Variants in CACNA2D3 observed in about 807,000 individuals in gnomAD.
CACNA2D3 encodes calcium voltage-gated channel auxiliary subunit alpha2delta 3.
In CACNA2D3, 60 loss-of-function variants were observed where a neutral mutation model predicts 160.6. That is an observed-to-expected ratio of 0.37 (90% CI 0.30 to 0.46). The LOEUF (loss-of-function observed/expected upper bound fraction) is 0.46. CACNA2D3 is among the 20% of genes least tolerant of loss of function. The pLI is 1.00. For synonymous variants in CACNA2D3, 558 were observed against 492.9 expected (o/e 1.13, Z -1.75); for missense variants, 1,205 against 1,365.0 (o/e 0.88, Z 1.85).
chr3:54,198,623 GT>G (rs1195097264), intron 2 of CACNA2D3, among the ~76,000 whole-genome samples: 2 of 152,234 alleles, frequency 1.3e-5, no homozygotes, highest in African/African-American at 2.4e-5. Context: ...ACTGAGCCTC[GT>G]GTGGAATTGT....
chr3:54,370,836 G>GAAAA (rs60211171), intron 3 of CACNA2D3, among the ~76,000 whole-genome samples: 1 of 85,744 alleles, frequency 1.2e-5, no homozygotes, highest in Non-Finnish European at 2.4e-5. Context: ...CCCGACTCCA[G>GAAAA]AAAAAAAAAA....
chr3:54,181,049 C>T (rs1275847896), intron 2 of CACNA2D3, among the ~76,000 whole-genome samples: 1 of 152,140 alleles, frequency 6.6e-6, no homozygotes, highest in African/African-American at 2.4e-5. Flanking sequence ...CAGGAGGCTT[C>T]CCTCTTCTCT....
Position 54,459,456 on chromosome 3 carries a change from T to C in CACNA2D3, c.382-44036T>C, listed in dbSNP as rs534104623. ...CTGTTGTTTCCTGACTTTTTAATGA[T>C]CGCCATTCTAACTGGTGTGAGATGG... On this transcript the variant is annotated intron_variant, in intron 4 of 37. Coordinates refer to ENST00000474759, the MANE Select transcript of CACNA2D3 (RefSeq NM_018398.3). Among the ~76,000 whole-genome samples the C allele has an allele frequency of 3.9e-3, 586 of 150,456 alleles. 2 individuals are homozygous for C. Among genetic ancestry groups the C allele is most frequent in the African/African-American group, 0.014 (556 of 40,956 alleles).
At chr3:54,982,338 A>C (rs1425839942) in intron 29 of CACNA2D3, among the ~76,000 whole-genome samples, 1 of 152,126 alleles carries the variant, frequency 6.6e-6, no homozygotes, top group African/African-American at 2.4e-5. Flanking sequence ...TTTGCCTTTC[A>C]TTAATAGGAG....
chr3:54,516,814 A>C (rs1482415854), intron 5 of CACNA2D3, among the ~76,000 whole-genome samples: 1 of 152,092 alleles, frequency 6.6e-6, no homozygotes, highest in Non-Finnish European at 1.5e-5. Context: ...CATGTTCTCT[A>C]CTCACTGCTA....
chr3:54,286,221 G>A (rs962231014), intron 2 of CACNA2D3, among the ~76,000 whole-genome samples: 1 of 152,210 alleles, frequency 6.6e-6, no homozygotes, highest in Admixed American at 6.5e-5. Context: ...AACCAATGCA[G>A]AGAAGTCCTT....
At chr3:54,127,526 C>G (rs923690662) in intron 2 of CACNA2D3, among the ~76,000 whole-genome samples, 2 of 152,106 alleles carry the variant, frequency 1.3e-5, no homozygotes, top group Admixed American at 6.5e-5. Context: ...CCTTGCTGCT[C>G]GTGGGAAGCC....
chr3:54,743,981 C>G (rs138441577), intron 11 of CACNA2D3, among the ~76,000 whole-genome samples: 1 of 152,334 alleles, frequency 6.6e-6, no homozygotes, highest in East Asian at 1.9e-4. Context: ...TTCTGTCTGT[C>G]TGTCCCTTCC....
chr3:54,975,535 A>C (rs1437797246), intron 29 of CACNA2D3, among the ~76,000 whole-genome samples: 2 of 151,142 alleles, frequency 1.3e-5, no homozygotes, highest in African/African-American at 2.4e-5. Context: ...AAAAAAAAAA[A>C]AAAAAAAAAA....
At chr3:54,414,052 A>T (rs1361225581) in intron 4 of CACNA2D3, among the ~76,000 whole-genome samples, 1 of 151,870 alleles carries the variant, frequency 6.6e-6, no homozygotes, top group African/African-American at 2.4e-5. Context: ...AATTAAATTT[A>T]TACTAAGAAA....
At chr3:54,887,902 T>A (rs1699963468) in intron 23 of CACNA2D3, 57 bp from the exon 24 acceptor site, 6 of 1,358,806 alleles carry the variant, frequency 4.4e-6, no homozygotes, top group Middle Eastern at 1.8e-4. Context: ...CATGAGTGCC[T>A]CTCATGCCCC....
chr3:54,260,461 G>A (rs1445107306), intron 2 of CACNA2D3, among the ~76,000 whole-genome samples: 3 of 152,178 alleles, frequency 2.0e-5, no homozygotes, highest in African/African-American at 7.2e-5. Flanking sequence ...CAGAGGGAGC[G>A]TGTCAGTTCA....
chr3:54,459,022 G>A (rs1368759353), intron 4 of CACNA2D3, among the ~76,000 whole-genome samples: 1 of 152,078 alleles, frequency 6.6e-6, no homozygotes, highest in Non-Finnish European at 1.5e-5. Flanking sequence ...AACATGCGGT[G>A]TTTGGTTTTT....
chr3:54,342,862 G>T (rs1024114399), intron 3 of CACNA2D3, among the ~76,000 whole-genome samples: 1 of 152,222 alleles, frequency 6.6e-6, no homozygotes, highest in African/African-American at 2.4e-5. Context: ...CTCTCGGGCT[G>T]TGCGGGGCTT....
rs139886978 is a variant in CACNA2D3 at position 54,882,371 on chromosome 3, CCTCT to C, written c.1912+1522_1912+1525del. Among the ~76,000 whole-genome samples the C allele has an allele frequency of 4.0e-5, 6 of 150,682 alleles. No homozygotes were observed. The East Asian group carries it at 5.8e-4, about 15-fold the overall frequency. On this transcript the variant is annotated intron_variant, in intron 21 of 37. Coordinates refer to ENST00000474759, the MANE Select transcript of CACNA2D3 (RefSeq NM_018398.3). Reference sequence around the variant, plus strand: ...CAATACATGGGCCTGTCCCTCCCTTCCTCTCTCTCTCTCTCTCACACACACATAC... The same window carrying C: ...CAATACATGGGCCTGTCCCTCCCTTCCTCTCTCTCTCTCACACACACATAC...
intron 2 of CACNA2D3, among the ~76,000 whole-genome samples, chr3:54,248,955 T>C (rs1702132182): frequency 6.6e-6 from 1 of 152,194 alleles, no homozygotes; most frequent in African/African-American, 2.4e-5. Flanking sequence ...TATTTCCATA[T>C]TTGGTTATGA....
intron 9 of CACNA2D3, among the ~76,000 whole-genome samples, chr3:54,599,232 T>C (rs772589463): frequency 5.3e-5 from 8 of 152,198 alleles, no homozygotes; most frequent in African/African-American, 1.9e-4. Flanking sequence ...CTTTCATTTG[T>C]TCATCACATA....
Position 54,823,717 on chromosome 3 carries a change from A to T in CACNA2D3, c.1398+6847A>T, listed in dbSNP as rs1575497028. ...TTTTAAAATTAGAGTGTAACATTTT[A>T]TGTACATTATGCTCCTGTTGTGTGT... On this transcript the variant is annotated intron_variant, in intron 14 of 37. Coordinates refer to ENST00000474759, the MANE Select transcript of CACNA2D3 (RefSeq NM_018398.3). 2.6e-5 allele frequency among the ~76,000 whole-genome samples: 4 copies of T among 152,212 alleles called. No individual in the cohort carries two copies. In the East Asian group the frequency reaches 7.7e-4, roughly 29 times the overall value.
intron 35 of CACNA2D3, among the ~76,000 whole-genome samples, chr3:55,031,918 T>G (rs1159578287): frequency 6.6e-6 from 1 of 152,142 alleles, no homozygotes; most frequent in Non-Finnish European, 1.5e-5. Flanking sequence ...GTACTGACTT[T>G]TAGAAAACAA....
Sources: allele counts gnomAD v4.1 joint callset (sites outside exome capture counted in the v4.1 genomes callset), GRCh38; gene constraint gnomAD v4.1.1; transcripts MANE v1.5; gene names NCBI Gene and HGNC (gene_info 2026-07-23, HGNC 2026-07-21).